The following LRCH2 variants were observed in gnomAD, a reference collection of about 807,000 sequenced individuals.
LRCH2 encodes leucine rich repeats and calponin homology domain containing 2, also known as leucine-rich repeat and calponin homology domain-containing protein 2.
Under a neutral mutation model 68.9 loss-of-function variants are expected in LRCH2, and 38 were observed. The observed-to-expected ratio is 0.55, with a 90% CI of 0.43 to 0.72. LRCH2 has a LOEUF of 0.72. Among genes scored for constraint, LRCH2 ranks in the 30% least tolerant of loss-of-function variants. The probability of loss-of-function intolerance (pLI) is 0.00; values close to 1 mark genes in which losing one functional copy is unlikely to be tolerated. For synonymous variants in LRCH2, 191 were observed against 208.1 expected (o/e 0.92, Z 0.71); for missense variants, 528 against 572.9 (o/e 0.92, Z 0.80).
At chrX:115,122,985 T>A in intron 18 of LRCH2, 88 bp from the exon 19 acceptor site, 14 of 1,085,877 alleles carry the variant, frequency 1.3e-5, no homozygotes, top group Non-Finnish European at 1.6e-5. Flanking sequence ...TCCAAACATT[T>A]TAAGGAGCAT....
intron 1 of LRCH2, among the ~76,000 whole-genome samples, chrX:115,213,554 G>C (rs782524707): frequency 8.9e-6 from 1 of 111,816 alleles, no homozygotes; most frequent in African/African-American, 3.2e-5. Context: ...CCAACTCTAG[G>C]TAATATCAAT....
intron 20 of LRCH2, among the ~76,000 whole-genome samples, chrX:115,114,906 G>A (rs1386569339): frequency 9.1e-6 from 1 of 110,438 alleles, no homozygotes; most frequent in Non-Finnish European, 1.9e-5. Context: ...CTATTTCTAT[G>A]AAGTAGCAAT....
At chrX:115,156,533 A>G in intron 12 of LRCH2, 69 bp downstream of exon 12, 1 of 691,663 alleles carries the variant, frequency 1.4e-6, no homozygotes, top group South Asian at 3.2e-5. Context: ...CTATATACAA[A>G]AACATCACTG....
chrX:115,210,218 C>T (rs1156373796), intron 1 of LRCH2, among the ~76,000 whole-genome samples: 1 of 111,696 alleles, frequency 9.0e-6, no homozygotes, highest in Non-Finnish European at 1.9e-5. Flanking sequence ...ACAGCAGCCC[C>T]TCCCATCACA....
At chrX:115,115,839 C>A (rs2072076939) in intron 20 of LRCH2, among the ~76,000 whole-genome samples, 2 of 109,123 alleles carry the variant, frequency 1.8e-5, no homozygotes, top group Admixed American at 9.9e-5. Flanking sequence ...ACATAAGGAA[C>A]TACAACTCAA....
chrX:115,126,281 CA>C (rs1185153825), intron 16 of LRCH2: 1 of 111,521 alleles, frequency 9.0e-6, no homozygotes, highest in Non-Finnish European at 1.9e-5. Flanking sequence ...CGAGATTTCA[CA>C]AACTCTAACT....
chrX:115,148,467 TTTGTA>T (rs1307512293), intron 14 of LRCH2, among the ~76,000 whole-genome samples: 1 of 111,850 alleles, frequency 8.9e-6, no homozygotes, highest in African/African-American at 3.2e-5. Flanking sequence ...ATACTAAGAA[TTTGTA>T]TTGTTATACT....
intron 11 of LRCH2, among the ~76,000 whole-genome samples, chrX:115,162,414 T>C (rs1196119502): frequency 9.0e-6 from 1 of 111,536 alleles, no homozygotes; most frequent in African/African-American, 3.3e-5. Flanking sequence ...CACAGCCTCA[T>C]AAGTAGCCAA....
intron 12 of LRCH2, among the ~76,000 whole-genome samples, chrX:115,153,079 AAGG>A (rs2072444995): frequency 1.9e-5 from 2 of 106,516 alleles, no homozygotes; most frequent in South Asian, 9.0e-4. Context: ...GAGGCCAAGG[AAGG>A]AGGATTCCTT....
chrX:115,186,852 T>G (rs2072735807), intron 2 of LRCH2, among the ~76,000 whole-genome samples: 1 of 92,351 alleles, frequency 1.1e-5, no homozygotes, highest in Non-Finnish European at 2.1e-5. Context: ...AGAGTCTTAC[T>G]CTGTCACCCA....
chrX:115,189,053 T>A (rs2072756856), intron 1 of LRCH2, among the ~76,000 whole-genome samples: 1 of 111,400 alleles, frequency 9.0e-6, no homozygotes, highest in Non-Finnish European at 1.9e-5. Context: ...ACAACACAAC[T>A]AAATTTCTTA....
In LRCH2 at chrX:115,130,657, TTAA is replaced by T. The variant is rs200478628; in HGVS notation, c.1696-461_1696-459del. On this transcript the variant is annotated intron_variant, in intron 14 of 20. Transcript: ENST00000317135. ...CACCATTCTAAGATGTCATTCATTA[TTAA>T]GAAACCTACTGCTTTCATGTTAAAA... Among the ~76,000 whole-genome samples the T allele has an allele frequency of 5.9e-3, 655 of 111,583 alleles. 5 individuals carry two copies. Among genetic ancestry groups the T allele is most frequent in the African/African-American group, 0.02 (628 of 30,733 alleles).
intron 12 of LRCH2, among the ~76,000 whole-genome samples, chrX:115,152,737 T>A (rs781920982): frequency 7.3e-5 from 8 of 109,981 alleles, no homozygotes; most frequent in Non-Finnish European, 1.5e-4. Flanking sequence ...TTCATGAAAA[T>A]AAACCCACAA....
In LRCH2 at chrX:115,111,827, C is replaced by A. The variant is rs2072045828; in HGVS notation, c.*1389G>T. 9.0e-6 allele frequency: 1 copy of A among 111,584 alleles called. No homozygotes were observed. Among genetic ancestry groups the A allele is most frequent in the Admixed American group, 9.6e-5 (1 of 10,389 alleles). 9.2% of individuals were successfully genotyped at this position (111,584 alleles called of 1,213,427 possible). A position where few individuals can be genotyped will look rare whatever the true frequency, so the allele number is the denominator to read the frequency against. On this transcript the variant is annotated 3_prime_UTR_variant, in exon 21 of 21. Coordinates refer to ENST00000317135, the MANE Select transcript of LRCH2 (RefSeq NM_020871.4). ...TTTTATATATACCCTTTGAAATACC[C>A]AGGCCAACATTTTTAATAAGTTGCA...
chrX:115,213,985 T>C (rs187731709), intron 1 of LRCH2, among the ~76,000 whole-genome samples: 238 of 112,154 alleles, frequency 2.1e-3, no homozygotes, highest in African/African-American at 7.1e-3. Context: ...AATAAAATGA[T>C]GGAAATTAGA....
At chrX:115,182,719 G>A (rs1483591714) in intron 3 of LRCH2, among the ~76,000 whole-genome samples, 1 of 107,510 alleles carries the variant, frequency 9.3e-6, no homozygotes, top group Non-Finnish European at 1.9e-5. Context: ...TGTAATCCCA[G>A]CTACTCGGGA....
intron 1 of LRCH2, chrX:115,189,333 A>C (rs1403704865): frequency 1.2e-6 from 1 of 828,704 alleles, no homozygotes; most frequent in Non-Finnish European, 1.7e-6. Flanking sequence ...TGAGACATCC[A>C]CCCCCCCAAC....
chrX:115,117,149 C>T (rs2147339644), intron 20 of LRCH2, among the ~76,000 whole-genome samples: 1 of 111,535 alleles, frequency 9.0e-6, no homozygotes, highest in African/African-American at 3.2e-5. Flanking sequence ...CAAAGTACTT[C>T]AAAAAGAAGA....
intron 5 of LRCH2, among the ~76,000 whole-genome samples, chrX:115,173,522 T>C (rs1328970446): frequency 1.8e-5 from 2 of 111,614 alleles, no homozygotes; most frequent in Non-Finnish European, 3.8e-5. Context: ...TAACTCAAGG[T>C]AAGAGGATTA....
Sources: allele counts gnomAD v4.1 joint callset (sites outside exome capture counted in the v4.1 genomes callset), GRCh38; gene constraint gnomAD v4.1.1; transcripts MANE v1.5; gene names NCBI Gene and HGNC (gene_info 2026-07-23, HGNC 2026-07-21).